Variants in CFAP57 observed in about 807,000 individuals in gnomAD.
The protein encoded by CFAP57 is cilia and flagella associated protein 57.
In CFAP57, 116 loss-of-function variants were observed where a neutral mutation model predicts 146.8. The observed-to-expected ratio is 0.79, with a 90% CI of 0.68 to 0.92. The LOEUF is 0.92. Among genes scored for constraint, CFAP57 ranks in the 40% least tolerant of loss-of-function variants. The probability of loss-of-function intolerance (pLI) is 0.00; values close to 1 mark genes in which losing one functional copy is unlikely to be tolerated. For synonymous variants in CFAP57, 518 were observed against 552.8 expected, an observed-to-expected ratio of 0.94 and a Z score of 0.88; for missense variants, 1,377 against 1,527.2, an observed-to-expected ratio of 0.90 and a Z score of 1.64.
intron 19 of CFAP57, 134 bp from the exon 20 acceptor site, chr1:43,234,145 G>C: frequency 9.5e-7 from 1 of 1,056,834 alleles, no homozygotes; most frequent in Non-Finnish European, 1.3e-6. Context: ...GCCCAGTATG[G>C]CCCCTGGCAG....
intron 7 of CFAP57, among the ~76,000 whole-genome samples, 198 bp downstream of exon 7, chr1:43,197,890 A>G (rs1271580497): frequency 6.6e-6 from 1 of 152,184 alleles, no homozygotes; most frequent in Non-Finnish European, 1.5e-5. Context: ...GGTTTATTTA[A>G]TGCTTACCAC....
At chr1:43,246,505 C>T (rs1239165714) in intron 22 of CFAP57, among the ~76,000 whole-genome samples, 3 of 152,162 alleles carry the variant, frequency 2.0e-5, no homozygotes, top group Non-Finnish European at 4.4e-5. Context: ...ACTTACCTTA[C>T]ACCATATACA....
intron 2 of CFAP57, among the ~76,000 whole-genome samples, chr1:43,173,918 A>G (rs1008855768): frequency 1.3e-5 from 2 of 152,178 alleles, no homozygotes; most frequent in Admixed American, 6.5e-5. Context: ...AACCCTGCCA[A>G]CCCTTGGTAT....
At chr1:43,253,639 CAGG>C (rs1052223459) in intron 22 of CFAP57, among the ~76,000 whole-genome samples, 2 of 151,914 alleles carry the variant, frequency 1.3e-5, no homozygotes, top group African/African-American at 4.8e-5. Context: ...CAACATAGGT[CAGG>C]AGAAGAGTGC....
At chr1:43,233,420 C>T (rs1393560574) in intron 19 of CFAP57, among the ~76,000 whole-genome samples, 2 of 151,254 alleles carry the variant, frequency 1.3e-5, no homozygotes, top group African/African-American at 4.9e-5. Context: ...ACCTGGGAGG[C>T]GGAGGTTGCC....
chr1:43,240,900 T>C (rs1645889139), intron 21 of CFAP57, among the ~76,000 whole-genome samples: 1 of 152,210 alleles, frequency 6.6e-6, no homozygotes, highest in Non-Finnish European at 1.5e-5. Context: ...AGTGGCACGA[T>C]CTCGGCTCAC....
In CFAP57 at chr1:43,201,207, T is replaced by C. The variant is rs1644108288; in HGVS notation, c.1542+1704T>C. Among the ~76,000 whole-genome samples the C allele has an allele frequency of 6.6e-6, 1 of 151,986 alleles. No homozygotes were observed. Among genetic ancestry groups the C allele is most frequent in the Non-Finnish European group, 1.5e-5 (1 of 68,010 alleles). ...GCCTATGTAGAATCTGAGAAGAATA[T>C]TGGACAGCAGAGGGAAGACCAACAT... On this transcript the variant is annotated intron_variant, in intron 9 of 22. Coordinates refer to ENST00000372492, the MANE Select transcript of CFAP57 (RefSeq NM_001378189.1). This position sits in a 1 kb window ranked among gnomAD's most constrained non-coding sequence, Gnocchi z 4.4.
chr1:43,201,600 C>T lies in CFAP57; in HGVS notation c.1542+2097C>T, dbSNP rs534414233. ...TCCTGAGTTCAAGCGATTCTCCTGC[C>T]TCAGCCTCCCAAGTAACACAAACTC... On this transcript the variant is annotated intron_variant, in intron 9 of 22. Coordinates refer to ENST00000372492, the MANE Select transcript of CFAP57 (RefSeq NM_001378189.1). This position sits in a 1 kb window ranked among gnomAD's most constrained non-coding sequence, Gnocchi z 4.4. Among the ~76,000 whole-genome samples, 8 of 152,338 alleles carry T rather than the reference C, an allele frequency of 5.3e-5. No individual in the cohort carries two copies. Among genetic ancestry groups the T allele is most frequent in the African/African-American group, 1.9e-4 (8 of 41,576 alleles).
At chr1:43,186,622 AAAAAAAAAAAAG>A in intron 5 of CFAP57, 73 bp from the exon 6 acceptor site, 2 of 1,209,096 alleles carry the variant, frequency 1.7e-6, no homozygotes. Context: ...AAAAAAAAAA[AAAAAAAAAAAAG>A]AAAACTCTGA....
chr1:43,227,032 T>G lies in CFAP57; in HGVS notation c.2915T>G (p.Phe972Cys), dbSNP rs1645272559. 2.0e-6 allele frequency: 3 copies of G among 1,536,288 alleles called. No individual in the cohort carries two copies. Among genetic ancestry groups the G allele is most frequent in the Non-Finnish European group, 2.6e-6 (3 of 1,141,662 alleles). Residue 972 changes from phenylalanine (F) to cysteine (C), a missense_variant, in exon 18 of 23, where the codon TTC becomes TGC. Coordinates refer to ENST00000372492, the MANE Select transcript of CFAP57 (RefSeq NM_001378189.1). Reference sequence around the variant, plus strand: ...AAGAAAAATCAAGAACTAGGGAAATTCAAGTTTGTGCTTGACTACAAAATA... The same window carrying G: ...AAGAAAAATCAAGAACTAGGGAAATGCAAGTTTGTGCTTGACTACAAAATA... ...LKKKNQELGK[F>C]KFVLDYKIKE...
chr1:43,186,741 A>C lies in CFAP57; in HGVS notation c.1004A>C (p.Gln335Pro), dbSNP rs1369639724. Residue 335 changes from glutamine (Q) to proline (P), a missense_variant, in exon 6 of 23, where the codon CAG (glutamine) becomes CCG (proline). Gln to Pro is a moderately conservative substitution (Grantham distance 76, BLOSUM62 -1). Coordinates refer to ENST00000372492, the MANE Select transcript of CFAP57 (RefSeq NM_001378189.1). ...GACCCGCAGAGCAATGATCCAAGTC[A>C]GTCTGACAAACAGGACGTTCTCTGC... Reference protein sequence around the residue: ...PVDPQSNDPSQSDKQDVLCLC... With the variant: ...PVDPQSNDPSPSDKQDVLCLC... The C allele has an allele frequency of 3.7e-6, 6 of 1,614,136 alleles. No homozygotes were observed. Among genetic ancestry groups the C allele is most frequent in the Non-Finnish European group, 2.5e-6 (3 of 1,180,038 alleles).
At chr1:43,217,734 CTCA>C (rs1644889179) in intron 12 of CFAP57, among the ~76,000 whole-genome samples, 1 of 152,198 alleles carries the variant, frequency 6.6e-6, no homozygotes, top group African/African-American at 2.4e-5. Flanking sequence ...ACCCCAGCAA[CTCA>C]TCATCCTGCC....
In CFAP57 at chr1:43,181,763, A is replaced by G. The variant is rs369222180; in HGVS notation, c.387A>G (p.Pro129=). ...ACCTATTGGCTCAGACGTCACCTCC[A>G]GAGTCAAATCTTGTCTACTGGCTGT... is the stretch of plus-strand genomic sequence containing the variant. The part of the protein sequence containing the change: ...SKYLLAQTSP[P]ESNLVYWLWE... Residue 129 remains proline, a synonymous_variant, in exon 3 of 23, where the codon CCA becomes CCG. Coordinates refer to ENST00000372492, the MANE Select transcript of CFAP57 (RefSeq NM_001378189.1). 6.2e-7 allele frequency: 1 copy of G among 1,614,210 alleles called. No individual in the cohort carries two copies. The highest frequency in any genetic ancestry group is 8.5e-7 in the Non-Finnish European group (1 of 1,180,032).
chr1:43,212,445 G>A (rs891377355), intron 11 of CFAP57, among the ~76,000 whole-genome samples: 2 of 152,122 alleles, frequency 1.3e-5, no homozygotes, highest in Non-Finnish European at 2.9e-5. Flanking sequence ...ATATTATGAA[G>A]TACCTGTGAT....
At chr1:43,183,974 C>T in intron 4 of CFAP57, 97 bp downstream of exon 4, 1 of 1,489,726 alleles carries the variant, frequency 6.7e-7, no homozygotes, top group Non-Finnish European at 9.2e-7. Flanking sequence ...AACCCCTCTA[C>T]CGTAAAAGTC....
chr1:43,175,116 T>A (rs1483916786), intron 2 of CFAP57, among the ~76,000 whole-genome samples: 2 of 152,218 alleles, frequency 1.3e-5, no homozygotes, highest in African/African-American at 4.8e-5. Flanking sequence ...TGTGTTTTTT[T>A]GGCTTCTCTT....
intron 4 of CFAP57, among the ~76,000 whole-genome samples, chr1:43,184,234 C>G (rs75636740): frequency 0.021 from 3,183 of 152,248 alleles, 117 homozygotes; most frequent in African/African-American, 0.073. Flanking sequence ...TTGCTAGATG[C>G]TGGGGACACA....
chr1:43,177,312 T>C (rs1645211978), intron 2 of CFAP57: 2 of 421,670 alleles, frequency 4.7e-6, no homozygotes, highest in Admixed American at 5.1e-5. Context: ...ATAGACACCA[T>C]GTGGGGTGGA....
chr1:43,223,360 T>C (rs903322240), intron 16 of CFAP57, among the ~76,000 whole-genome samples: 3 of 152,174 alleles, frequency 2.0e-5, no homozygotes, highest in Admixed American at 1.3e-4. Flanking sequence ...GGGGATGAGA[T>C]AGATGAAGTC....
Sources: gnomAD v4.1 joint callset for allele counts (sites outside exome capture counted in the v4.1 genomes callset) on GRCh38, gnomAD v4.1.1 for gene constraint, Gnocchi (gnomAD v3.1) non-coding constraint, MANE v1.5 for transcripts, NCBI Gene and HGNC (gene_info 2026-07-23, HGNC 2026-07-21) for gene names.